KDM4C: variants seen among roughly 807,000 people sequenced by gnomAD.
KDM4C encodes lysine-specific demethylase 4C.
In KDM4C, 81 loss-of-function variants were observed where a neutral mutation model predicts 129.3. The observed-to-expected ratio is 0.63, with a 90% CI of 0.52 to 0.75. The LOEUF (loss-of-function observed/expected upper bound fraction) is 0.75. Ranked by LOEUF, KDM4C falls within the 30% of genes least tolerant of loss-of-function variation. The probability of loss-of-function intolerance (pLI) is 0.00; values close to 1 mark genes in which losing one functional copy is unlikely to be tolerated. For missense variants in KDM4C, 1,457 were observed against 1,304.0 expected, an observed-to-expected ratio of 1.12 and a Z score of -1.81; for synonymous variants, 573 against 456.1, an observed-to-expected ratio of 1.26 and a Z score of -3.26.
intron 18 of KDM4C, among the ~76,000 whole-genome samples, chr9:7,107,120 A>C (rs980997691): frequency 1.3e-5 from 2 of 152,184 alleles, no homozygotes; most frequent in South Asian, 4.1e-4. Flanking sequence ...ATGTGTGCAC[A>C]TGAGTGTGTG....
rs770938057 is a variant in KDM4C, at chr9:6,793,072, G to C, written c.84G>C (p.Glu28Asp). The C allele has an allele frequency of 4.3e-6, 7 of 1,614,014 alleles. No homozygotes were observed. Among genetic ancestry groups the C allele is most frequent in the Non-Finnish European group, 5.1e-6 (6 of 1,180,030 alleles). ...GACCCTCCATGGAGGAGTTCCGGGA[G>C]TTCAACAAATACCTTGCATACATGG... ...TFRPSMEEFR[E>D]FNKYLAYMES... Residue 28 changes from glutamate to aspartate, a missense_variant, in exon 2 of 22, where the codon GAG becomes GAC. Transcript: ENST00000381309.
At chr9:7,075,681 C>T (rs1036351130) in intron 17 of KDM4C, among the ~76,000 whole-genome samples, 3 of 152,166 alleles carry the variant, frequency 2.0e-5, no homozygotes, top group African/African-American at 7.2e-5. Flanking sequence ...CCAAATAAAC[C>T]TCTTTTCTTT....
intron 8 of KDM4C, among the ~76,000 whole-genome samples, chr9:6,911,242 C>A (rs867452556): frequency 2.9e-4 from 44 of 152,160 alleles, no homozygotes; most frequent in African/African-American, 1.0e-3. Context: ...AAACCTCCAA[C>A]TTTTAATATG....
intron 6 of KDM4C, among the ~76,000 whole-genome samples, chr9:6,883,450 C>T (rs1046349984): frequency 6.6e-6 from 1 of 152,146 alleles, no homozygotes; most frequent in African/African-American, 2.4e-5. Flanking sequence ...AGCTGGATTT[C>T]ACTAAGAGTG....
chr9:7,045,753 G>C (rs935612230), intron 15 of KDM4C, among the ~76,000 whole-genome samples: 1 of 151,936 alleles, frequency 6.6e-6, no homozygotes, highest in African/African-American at 2.4e-5. Flanking sequence ...CAAACCTGTT[G>C]GACATTTCTA....
chr9:6,909,571 C>T (rs1451316684), intron 8 of KDM4C, among the ~76,000 whole-genome samples: 1 of 151,912 alleles, frequency 6.6e-6, no homozygotes, highest in Non-Finnish European at 1.5e-5. Flanking sequence ...GTATTAAATG[C>T]TGTGTCCAAA....
At position 6,758,148 on chromosome 9, in the gene KDM4C, A is replaced by G; in HGVS notation, c.-73A>G. The stretch of plus-strand genomic sequence containing the variant: ...CCCAAATCTCCCTGGGCCGGAGGCC[A>G]CTGTCTTCTCTTCCTCCTCCACCGA... On this transcript the variant is annotated 5_prime_UTR_variant, in exon 1 of 22. Transcript: ENST00000381309. The surrounding 1 kb of genome is among the most constrained non-coding windows in gnomAD (Gnocchi z 4.6). 4 of 985,662 alleles carry G rather than the reference A, an allele frequency of 4.1e-6. No homozygotes were observed. The highest frequency in any genetic ancestry group is 4.8e-6 in the Non-Finnish European group (4 of 830,158). 61.1% of individuals were successfully genotyped at this position (985,662 alleles called of 1,614,324 possible).
intron 1 of KDM4C, among the ~76,000 whole-genome samples, chr9:6,740,110 G>A (rs890884626): frequency 2.0e-5 from 3 of 151,942 alleles, no homozygotes; most frequent in Admixed American, 6.6e-5. Flanking sequence ...GGATGGCCTC[G>A]ATCTCTTGAC....
At chr9:6,807,790 T>TG (rs752540856) in intron 3 of KDM4C, among the ~76,000 whole-genome samples, 21,909 of 109,096 alleles carry the variant, frequency 0.2, 2,120 homozygotes, top group Admixed American at 0.29. Flanking sequence ...GGGAGGGAGG[T>TG]GGGGGGGGGG....
chr9:6,973,062 C>G (rs1390445218), intron 8 of KDM4C, among the ~76,000 whole-genome samples: 1 of 152,172 alleles, frequency 6.6e-6, no homozygotes, highest in Non-Finnish European at 1.5e-5. Flanking sequence ...TAAAGTGAAT[C>G]TGAGATGGTG....
chr9:6,963,594 A>G (rs1830379921), intron 8 of KDM4C, among the ~76,000 whole-genome samples: 1 of 152,238 alleles, frequency 6.6e-6, no homozygotes, highest in African/African-American at 2.4e-5. Context: ...AATACAGAGA[A>G]AGATTCAGGA....
At chr9:6,995,141 A>AT (rs35711391) in intron 12 of KDM4C, among the ~76,000 whole-genome samples, 39,449 of 144,136 alleles carry the variant, frequency 0.27, 6,066 homozygotes, top group East Asian at 0.58. Context: ...TTTTCCTAGG[A>AT]TTTTTTTTTT....
At chr9:6,938,216 T>C (rs1378748414) in intron 8 of KDM4C, among the ~76,000 whole-genome samples, 3 of 151,978 alleles carry the variant, frequency 2.0e-5, no homozygotes, top group African/African-American at 7.2e-5. Flanking sequence ...TATATAGATA[T>C]ATATTATAGG....
chr9:6,918,538 C>G (rs901303079), intron 8 of KDM4C, among the ~76,000 whole-genome samples: 2 of 152,124 alleles, frequency 1.3e-5, no homozygotes, highest in African/African-American at 2.4e-5. Context: ...ATATACCCAT[C>G]AATAGGATTG....
At chr9:6,811,199 G>C (rs1238404342) in intron 3 of KDM4C, among the ~76,000 whole-genome samples, 1 of 152,094 alleles carries the variant, frequency 6.6e-6, no homozygotes, top group Non-Finnish European at 1.5e-5. Context: ...TGTTGCCCAG[G>C]ATGGAGTGCA....
intron 8 of KDM4C, among the ~76,000 whole-genome samples, chr9:6,900,016 A>C (rs993451923): frequency 2.0e-5 from 3 of 152,182 alleles, no homozygotes; most frequent in African/African-American, 4.8e-5. Flanking sequence ...AATTCAGTCT[A>C]GTTTCTTGTA....
intron 12 of KDM4C, among the ~76,000 whole-genome samples, chr9:7,010,907 G>T (rs993867872): frequency 6.6e-6 from 1 of 152,096 alleles, no homozygotes; most frequent in Non-Finnish European, 1.5e-5. Context: ...CGCTAGGCAT[G>T]GTGGTGGGTG....
chr9:6,984,702 C>CGTTTTTGGA (rs1309793344), intron 10 of KDM4C, among the ~76,000 whole-genome samples: 4 of 151,346 alleles, frequency 2.6e-5, no homozygotes, highest in Non-Finnish European at 4.4e-5. Flanking sequence ...TTACAATATA[C>CGTTTTTGGA]GTTTTTGGAA....
chr9:7,009,857 C>A (rs914543131), intron 12 of KDM4C, among the ~76,000 whole-genome samples: 1 of 152,034 alleles, frequency 6.6e-6, no homozygotes, highest in African/African-American at 2.4e-5. Flanking sequence ...TCAATAAATA[C>A]ATTAGAACAT....
Sources: allele counts gnomAD v4.1 joint callset (sites outside exome capture counted in the v4.1 genomes callset), GRCh38; gene constraint gnomAD v4.1.1; non-coding constraint Gnocchi (gnomAD v3.1); transcripts MANE v1.5; gene names NCBI Gene and HGNC (gene_info 2026-07-23, HGNC 2026-07-21).